The following PCDHGA7 variants were observed in gnomAD, a reference collection of about 807,000 sequenced individuals.
PCDHGA7 encodes the protein protocadherin gamma subfamily A, 7.
PCDHGA7 carries 44 observed loss-of-function variants against 58.3 expected under a neutral mutation model. The observed-to-expected ratio is 0.75, with a 90% CI of 0.59 to 0.97. PCDHGA7 has a LOEUF of 0.97. PCDHGA7 is among the 50% of genes least tolerant of loss of function. PCDHGA7 has a pLI of 0.00. For synonymous variants in PCDHGA7, 516 were observed against 504.2 expected, an observed-to-expected ratio of 1.02 and a Z score of -0.31; for missense variants, 1,266 against 1,188.7, an observed-to-expected ratio of 1.06 and a Z score of -0.96.
chr5:141,415,758 T>TG, intron 1 of PCDHGA7: 1 of 1,381,742 alleles, frequency 7.2e-7, no homozygotes, highest in South Asian at 1.7e-5. Context: ...TTTTTTTTTT[T>TG]TTTTTTTTTT....
chr5:141,414,443 A>G (rs1413718059), intron 1 of PCDHGA7: 1 of 1,613,892 alleles, frequency 6.2e-7, no homozygotes, highest in Non-Finnish European at 8.5e-7. Flanking sequence ...TCCTCTTACA[A>G]TATCACAGTG....
intron 1 of PCDHGA7, among the ~76,000 whole-genome samples, chr5:141,452,356 C>G (rs1008914676): frequency 6.6e-6 from 1 of 152,148 alleles, no homozygotes; most frequent in African/African-American, 2.4e-5. Flanking sequence ...ATCCAAAAGC[C>G]TTGCTTCATT....
intron 1 of PCDHGA7, chr5:141,407,951 A>G (rs1256400393): frequency 1.7e-6 from 1 of 578,448 alleles, no homozygotes; most frequent in Non-Finnish European, 2.8e-6. Flanking sequence ...GCTGTCGGCC[A>G]GTGCAGAGCA....
intron 1 of PCDHGA7, 151 bp downstream of exon 1, chr5:141,385,474 T>C (rs554098554): frequency 2.1e-6 from 3 of 1,436,644 alleles, no homozygotes; most frequent in African/African-American, 1.4e-5. Flanking sequence ...GGTGACACTT[T>C]AATATAGAAC....
At chr5:141,405,385 A>G in intron 1 of PCDHGA7, 1 of 1,600,058 alleles carries the variant, frequency 6.2e-7, no homozygotes, top group Non-Finnish European at 8.5e-7. Flanking sequence ...CGGTGAGTTC[A>G]TTTTTTTTCT....
intron 1 of PCDHGA7, chr5:141,392,777 A>G (rs1226924811): frequency 1.3e-6 from 2 of 1,529,440 alleles, no homozygotes; most frequent in Non-Finnish European, 1.8e-6. Flanking sequence ...ATTTATGCAC[A>G]GTGAAGATTC....
chr5:141,402,973 C>T (rs779898665), intron 1 of PCDHGA7: 4 of 1,608,044 alleles, frequency 2.5e-6, no homozygotes, highest in Non-Finnish European at 2.5e-6. Context: ...CAACCAAATG[C>T]CAGCTCCGCG....
intron 1 of PCDHGA7, among the ~76,000 whole-genome samples, chr5:141,482,089 CA>C (rs36035257): frequency 0.43 from 58,297 of 134,322 alleles, 12,050 homozygotes; most frequent in African/African-American, 0.53. Context: ...CACTCCATCT[CA>C]AAAAAAAAAA....
intron 1 of PCDHGA7, among the ~76,000 whole-genome samples, chr5:141,445,620 C>T (rs561235315): frequency 2.0e-5 from 3 of 151,966 alleles, no homozygotes; most frequent in African/African-American, 4.8e-5. Context: ...TTCTTTTTTT[C>T]GGAAAGTGAT....
Position 141,485,563 on chromosome 5 carries a change from C to T in PCDHGA7, c.2425-9244C>T, listed in dbSNP as rs746689576. The T allele has an allele frequency of 1.2e-5, 19 of 1,612,904 alleles. No homozygotes were observed. In the South Asian group the frequency reaches 1.6e-4, roughly 14 times the overall value. ...AGATCGTAGATGTGAATGATCACGCCCCCCGTTTTCCGCGGCAGCAGCTGG... is the reference window on the plus strand; with the variant it reads ...AGATCGTAGATGTGAATGATCACGCTCCCCGTTTTCCGCGGCAGCAGCTGG... On this transcript the variant is annotated intron_variant, in intron 1 of 3. Coordinates refer to ENST00000518325, the MANE Select transcript of PCDHGA7 (RefSeq NM_018920.4). This position sits in a 1 kb window ranked among gnomAD's most constrained non-coding sequence, Gnocchi z 5.7.
chr5:141,435,686 T>C (rs2097774326), intron 1 of PCDHGA7, among the ~76,000 whole-genome samples: 1 of 152,340 alleles, frequency 6.6e-6, no homozygotes, highest in Non-Finnish European at 1.5e-5. Flanking sequence ...GAGAACTTTA[T>C]GCTTATTGTA....
At chr5:141,479,877 T>C (rs967661238) in intron 1 of PCDHGA7, among the ~76,000 whole-genome samples, 2 of 152,188 alleles carry the variant, frequency 1.3e-5, no homozygotes, top group African/African-American at 4.8e-5. Flanking sequence ...GAGAACCCTA[T>C]ACATACTCTC....
intron 1 of PCDHGA7, chr5:141,399,082 G>A: frequency 6.2e-7 from 1 of 1,613,822 alleles, no homozygotes; most frequent in East Asian, 2.2e-5. Flanking sequence ...AGAAGGGAGG[G>A]ATGGTGGTGG....
intron 1 of PCDHGA7, chr5:141,418,991 G>A (rs1335937354): frequency 6.2e-7 from 1 of 1,613,836 alleles, no homozygotes. Context: ...AGACTCAGGG[G>A]AAAATGGGGA....
intron 1 of PCDHGA7, chr5:141,396,168 T>C (rs2093349513): frequency 2.0e-5 from 3 of 152,184 alleles, no homozygotes; most frequent in Admixed American, 2.0e-4. Flanking sequence ...AGTTATTCAG[T>C]CTTGGCTGGA....
intron 1 of PCDHGA7, among the ~76,000 whole-genome samples, chr5:141,488,782 C>T (rs990081222): frequency 2.0e-5 from 3 of 152,178 alleles, no homozygotes; most frequent in Non-Finnish European, 1.5e-5. Flanking sequence ...TTTTGTATCA[C>T]TTTGTCTTCC....
chr5:141,486,029 C>G lies in PCDHGA7; in HGVS notation c.2425-8778C>G. Reference sequence around the variant, plus strand: ...CACCTTTTATTTCAGTGGTCATACCCCTGATCGTGTAAGAAACCTCTTTAG... The same window carrying G: ...CACCTTTTATTTCAGTGGTCATACCGCTGATCGTGTAAGAAACCTCTTTAG... On this transcript the variant is annotated intron_variant, in intron 1 of 3. Transcript: ENST00000518325. The surrounding 1 kb of genome is among the most constrained non-coding windows in gnomAD (Gnocchi z 5.0). 6.2e-7 allele frequency: 1 copy of G among 1,614,016 alleles called. No homozygotes were observed. Among genetic ancestry groups the G allele is most frequent in the Non-Finnish European group, 8.5e-7 (1 of 1,179,900 alleles).
At chr5:141,418,908 C>A in intron 1 of PCDHGA7, 1 of 1,613,932 alleles carries the variant, frequency 6.2e-7, no homozygotes, top group South Asian at 1.1e-5. Flanking sequence ...ATAATCATCA[C>A]GTCACTCTCT....
intron 2 of PCDHGA7, among the ~76,000 whole-genome samples, chr5:141,500,682 G>A (rs1661676761): frequency 6.6e-6 from 1 of 152,044 alleles, no homozygotes; most frequent in African/African-American, 2.4e-5. Context: ...CAGAATTATA[G>A]CTTTTTTCTT....
Sources: allele counts gnomAD v4.1 joint callset (sites outside exome capture counted in the v4.1 genomes callset), GRCh38; gene constraint gnomAD v4.1.1; non-coding constraint Gnocchi (gnomAD v3.1); transcripts MANE v1.5; gene names NCBI Gene and HGNC (gene_info 2026-07-23, HGNC 2026-07-21).